PROKR2: variants seen among roughly 807,000 people sequenced by gnomAD.
The protein encoded by PROKR2 is G protein-coupled receptor 73-like 1.
Under a neutral mutation model 23.4 loss-of-function variants are expected in PROKR2, and 26 were observed. That is an observed-to-expected ratio of 1.11 (90% confidence interval 0.81 to 1.54). The LOEUF (loss-of-function observed/expected upper bound fraction) is 1.54, where lower values mean the gene tolerates loss of function less well. PROKR2 is among the 40% of genes most tolerant of loss of function. The pLI, the probability that PROKR2 is intolerant of heterozygous loss-of-function variation, is 0.00. For synonymous variants in PROKR2, 212 were observed against 201.2 expected (o/e 1.05, Z -0.45); for missense variants, 453 against 511.5 (o/e 0.89, Z 1.10).
rs1978936123 is a variant in PROKR2 at position 5,300,237 on chromosome 20, G to T, written c.*1803C>A. 6.6e-6 allele frequency among the ~76,000 whole-genome samples: 1 copy of T among 152,132 alleles called. No individual in the cohort carries two copies. The highest frequency in any genetic ancestry group is 2.4e-5 in the African/African-American group (1 of 41,410). Reference sequence around the variant, plus strand: ...GAAGTGATATTTATGCAGCACTAGGGTGCTATTTTGCAACATGCAGGGAGG... The same window carrying T: ...GAAGTGATATTTATGCAGCACTAGGTTGCTATTTTGCAACATGCAGGGAGG... On this transcript the variant is annotated 3_prime_UTR_variant, in exon 3 of 3. Coordinates refer to ENST00000678254, the MANE Select transcript of PROKR2 (RefSeq NM_144773.4).
intron 2 of PROKR2, among the ~76,000 whole-genome samples, chr20:5,304,952 C>T (rs946759530): frequency 6.6e-6 from 1 of 152,054 alleles, no homozygotes; most frequent in African/African-American, 2.4e-5. Context: ...CAGGCAGTGG[C>T]AGGACTGAGA....
chr20:5,311,966 C>G (rs1296588723), intron 2 of PROKR2, among the ~76,000 whole-genome samples: 1 of 152,180 alleles, frequency 6.6e-6, no homozygotes, highest in Non-Finnish European at 1.5e-5. Flanking sequence ...TCCATTAGTT[C>G]TGTCCCTCTA....
rs139429944 is a variant in PROKR2, at chr20:5,303,748, A to G, written c.459-1012T>C. Reference sequence around the variant, plus strand: ...GATATGGTAGATGAAGATAAGAGGCATGAAGGACAGGGAGGAAACAAATCA... The same window carrying G: ...GATATGGTAGATGAAGATAAGAGGCGTGAAGGACAGGGAGGAAACAAATCA... On this transcript the variant is annotated intron_variant, in intron 2 of 2. Transcript: ENST00000678254. Among the ~76,000 whole-genome samples the G allele has an allele frequency of 2.0e-3, 301 of 152,262 alleles. 1 individual carries two copies. Among genetic ancestry groups the G allele is most frequent in the African/African-American group, 7.0e-3 (292 of 41,546 alleles).
rs1458185225 is a variant in PROKR2, at chr20:5,316,622, C to G, written c.-137G>C. Among the ~76,000 whole-genome samples the G allele has an allele frequency of 6.6e-6, 1 of 152,252 alleles. No homozygotes were observed. Among genetic ancestry groups the G allele is most frequent in the Non-Finnish European group, 1.5e-5 (1 of 68,038 alleles). ...ACCCGGACTTGCACTTGCAGAGCCG[C>G]TGCGTGGGGGATGTCCCTCTTTTTT... On this transcript the variant is annotated 5_prime_UTR_variant, in exon 1 of 3. Transcript: ENST00000678254. This position sits in a 1 kb window ranked among gnomAD's most constrained non-coding sequence, Gnocchi z 5.0.
chr20:5,315,953 G>T (rs1042913690), intron 1 of PROKR2: 1 of 456,204 alleles, frequency 2.2e-6, no homozygotes, highest in Non-Finnish European at 4.4e-6. Flanking sequence ...CTCCCCGCCC[G>T]GGAGCGACCC....
intron 2 of PROKR2, among the ~76,000 whole-genome samples, chr20:5,311,463 G>A (rs988441279): frequency 6.6e-6 from 1 of 152,314 alleles, no homozygotes. Context: ...AGAAACTCCA[G>A]TGCTACAAAA....
At position 5,302,303 on chromosome 20, in the gene PROKR2, G is replaced by A. The variant is rs1042038054; in HGVS notation, c.892C>T (p.Arg298Cys). The change falls in exon 3 of 3, where the codon CGT becomes TGT. Residue 298 changes from arginine (R) to cysteine (C), a missense_variant. Transcript: ENST00000678254. ...WAPFYGFTIVRDFFPTVFVKE... is the reference protein window; with the variant it reads ...WAPFYGFTIVCDFFPTVFVKE... ...ACGAACACAGTGGGGAAGAAGTCACGAACGATGGTGAAACCGTAGAAGGGT... is the reference window on the plus strand; with the variant it reads ...ACGAACACAGTGGGGAAGAAGTCACAAACGATGGTGAAACCGTAGAAGGGT... 8 of 1,614,128 alleles carry A rather than the reference G, an allele frequency of 5.0e-6. No homozygotes were observed. The Admixed American group carries it at 5.0e-5, about 10-fold the overall frequency.
rs186558588 is a variant in PROKR2, at chr20:5,300,374, T to C, written c.*1666A>G. Reference sequence around the variant, plus strand: ...GAACAGGGATCCCTTTTTGGCCCACTGTAGACAAGGTACACTGTGAAGTCT... The same window carrying C: ...GAACAGGGATCCCTTTTTGGCCCACCGTAGACAAGGTACACTGTGAAGTCT... On this transcript the variant is annotated 3_prime_UTR_variant, in exon 3 of 3. Transcript: ENST00000678254. 1.2e-3 allele frequency among the ~76,000 whole-genome samples: 181 copies of C among 152,286 alleles called. No homozygotes were observed. The highest frequency in any genetic ancestry group is 4.3e-3 in the African/African-American group (177 of 41,562).
In PROKR2 at chr20:5,300,293, C is replaced by A. The variant is rs1978937622; in HGVS notation, c.*1747G>T. 6.6e-6 allele frequency among the ~76,000 whole-genome samples: 1 copy of A among 152,220 alleles called. No homozygotes were observed. The highest frequency in any genetic ancestry group is 2.4e-5 in the African/African-American group (1 of 41,454). On this transcript the variant is annotated 3_prime_UTR_variant, in exon 3 of 3. Transcript: ENST00000678254. ...CAACACTTCTAAGACCGCAGGGATG[C>A]TGAGAGTCTTGGGGTCACTGAGAAT... is the stretch of plus-strand genomic sequence containing the variant.
chr20:5,314,132 G>T lies in PROKR2; in HGVS notation c.238C>A (p.Arg80Ser), dbSNP rs774093318. ...GTGAGGTTGCGCAACTTCTTATAGC[G>T]GGTGAGGGCAGCGATAAAGACAAAG... ...GNFVFIAALT[R>S]YKKLRNLTNL... The change falls in exon 2 of 3, where the codon CGC becomes AGC. Residue 80 changes from arginine (R) to serine (S), a missense_variant. Transcript: ENST00000678254. 9.9e-6 allele frequency: 16 copies of T among 1,614,134 alleles called. No individual in the cohort carries two copies. The highest frequency in any genetic ancestry group is 1.4e-5 in the Non-Finnish European group (16 of 1,179,994).
chr20:5,307,422 C>T (rs887944411), intron 2 of PROKR2, among the ~76,000 whole-genome samples: 1 of 152,184 alleles, frequency 6.6e-6, no homozygotes, highest in African/African-American at 2.4e-5. Context: ...CACATGCTTT[C>T]TGATCTCAGT....
chr20:5,301,948 A>G lies in PROKR2; in HGVS notation c.*92T>C, dbSNP rs1979004313. Reference sequence around the variant, plus strand: ...GGGCACGGGGGAGGCATGAACACAGATGTCATTTCCCATGCAGCCTATGAA... The same window carrying G: ...GGGCACGGGGGAGGCATGAACACAGGTGTCATTTCCCATGCAGCCTATGAA... On this transcript the variant is annotated 3_prime_UTR_variant, in exon 3 of 3. Transcript: ENST00000678254. The G allele has an allele frequency of 8.4e-7, 1 of 1,188,330 alleles. No individual in the cohort carries two copies. Among genetic ancestry groups the G allele is most frequent in the Non-Finnish European group, 1.2e-6 (1 of 828,428 alleles). 73.6% of individuals were successfully genotyped at this position (1,188,330 alleles called of 1,614,324 possible).
chr20:5,305,352 T>C (rs866037709), intron 2 of PROKR2, among the ~76,000 whole-genome samples: 1 of 152,168 alleles, frequency 6.6e-6, no homozygotes, highest in African/African-American at 2.4e-5. Flanking sequence ...CCGCAAAAGG[T>C]CCCAACAGGA....
chr20:5,310,707 C>T lies in PROKR2; in HGVS notation c.458+3205G>A, dbSNP rs567008681. On this transcript the variant is annotated intron_variant, in intron 2 of 2. Transcript: ENST00000678254. Reference sequence around the variant, plus strand: ...TCTGTAGAGCTGTGATCTATGCTGGCTCCACTAGTCCCTCAGCAGGAATAT... The same window carrying T: ...TCTGTAGAGCTGTGATCTATGCTGGTTCCACTAGTCCCTCAGCAGGAATAT... Among the ~76,000 whole-genome samples the T allele has an allele frequency of 2.8e-4, 13 of 46,332 alleles. No individual in the cohort carries two copies. In the South Asian group the frequency reaches 8.8e-3, roughly 31 times the overall value. The allele number at this position is 46,332 out of a possible 152,430, so 30.4% of individuals were successfully genotyped here. A position where few individuals can be genotyped will look rare whatever the true frequency, so the allele number is the denominator to read the frequency against.
Position 5,299,257 on chromosome 20 carries a change from T to C in PROKR2, c.*2783A>G, listed in dbSNP as rs6053271. Among the ~76,000 whole-genome samples the C allele has an allele frequency of 0.22, 32,950 of 152,102 alleles. 3,751 individuals carry two copies. The highest frequency in any genetic ancestry group is 0.25 in the Admixed American group (3,880 of 15,286). ...TAATTATTTAATTGGATAACAACATTACACTTTAATCACTGGAAAATCACA... is the reference window on the plus strand; with the variant it reads ...TAATTATTTAATTGGATAACAACATCACACTTTAATCACTGGAAAATCACA... On this transcript the variant is annotated 3_prime_UTR_variant, in exon 3 of 3. Transcript: ENST00000678254.
chr20:5,307,837 G>A (rs1979279090), intron 2 of PROKR2, among the ~76,000 whole-genome samples: 1 of 152,226 alleles, frequency 6.6e-6, no homozygotes. Flanking sequence ...CTCTTAATAA[G>A]ATCAAAATTT....
At chr20:5,314,487 T>C in intron 1 of PROKR2, 110 bp from the exon 2 acceptor site, 2 of 890,870 alleles carry the variant, frequency 2.2e-6, no homozygotes, top group South Asian at 2.8e-5. Flanking sequence ...GAGAGTTGAC[T>C]CACCGTCCTG....
intron 2 of PROKR2, among the ~76,000 whole-genome samples, chr20:5,306,301 G>A (rs1979218680): frequency 6.6e-6 from 1 of 152,158 alleles, no homozygotes; most frequent in Non-Finnish European, 1.5e-5. Flanking sequence ...CAGGTAAATG[G>A]AGAATGTTAA....
chr20:5,316,129 C>A lies in PROKR2; in HGVS notation c.-9+365G>T, dbSNP rs1185712912. On this transcript the variant is annotated intron_variant, in intron 1 of 2. Coordinates refer to ENST00000678254, the MANE Select transcript of PROKR2 (RefSeq NM_144773.4). This position sits in a 1 kb window ranked among gnomAD's most constrained non-coding sequence, Gnocchi z 5.0. ...CGGCGGGTGGGTGGAGGATGCGGTG[C>A]GCGGGAATTTCCCCACGGACGCTTG... 14 of 456,658 alleles carry A rather than the reference C, an allele frequency of 3.1e-5. No individual in the cohort carries two copies. Among genetic ancestry groups the A allele is most frequent in the Non-Finnish European group, 3.5e-5 (8 of 226,942 alleles). 28.3% of individuals were successfully genotyped at this position (456,658 alleles called of 1,614,324 possible). A position where few individuals can be genotyped will look rare whatever the true frequency, so the allele number is the denominator to read the frequency against.
Sources: gnomAD v4.1 joint callset for allele counts (sites outside exome capture counted in the v4.1 genomes callset) on GRCh38, gnomAD v4.1.1 for gene constraint, Gnocchi (gnomAD v3.1) non-coding constraint, MANE v1.5 for transcripts, NCBI Gene and HGNC (gene_info 2026-07-23, HGNC 2026-07-21) for gene names.